The following NHEJ1 variants were observed in gnomAD, a reference collection of about 807,000 sequenced individuals.
NHEJ1 encodes non-homologous end joining factor 1.
A neutral mutation model predicts 39.4 loss-of-function variants in NHEJ1; 22 were observed. That is an observed-to-expected ratio of 0.56 (90% CI 0.40 to 0.80). The LOEUF (loss-of-function observed/expected upper bound fraction) is 0.80. Among genes scored for constraint, NHEJ1 ranks in the 30% least tolerant of loss-of-function variants. The probability of loss-of-function intolerance (pLI) is 0.00; values close to 1 mark genes in which losing one functional copy is unlikely to be tolerated. For missense variants in NHEJ1, 329 were observed against 357.1 expected, an observed-to-expected ratio of 0.92 and a Z score of 0.63; for synonymous variants, 154 against 135.6, an observed-to-expected ratio of 1.14 and a Z score of -0.94.
intron 5 of NHEJ1, among the ~76,000 whole-genome samples, chr2:219,123,176 ACAGT>A (rs1040198987): frequency 6.6e-6 from 1 of 152,218 alleles, no homozygotes; most frequent in African/African-American, 2.4e-5. Flanking sequence ...GGAAAGGTTG[ACAGT>A]CAGATCACAT....
intron 5 of NHEJ1, 71 bp downstream of exon 5, chr2:219,146,609 C>A (rs1168238817): frequency 1.6e-6 from 2 of 1,248,606 alleles, no homozygotes; most frequent in Non-Finnish European, 2.4e-6. Context: ...ACCCAAAACA[C>A]AAATGGCCAC....
intron 5 of NHEJ1, among the ~76,000 whole-genome samples, chr2:219,121,505 T>C (rs1949471046): frequency 6.6e-6 from 1 of 152,184 alleles, no homozygotes; most frequent in South Asian, 2.1e-4. Context: ...ATTTTTTCTA[T>C]GGGCATTAAG....
intron 5 of NHEJ1, among the ~76,000 whole-genome samples, chr2:219,120,986 CAGG>C (rs1949465817): frequency 1.3e-5 from 2 of 152,106 alleles, no homozygotes; most frequent in Admixed American, 1.3e-4. Flanking sequence ...CACTTGAGGT[CAGG>C]AGTTCAAGAC....
intron 3 of NHEJ1, among the ~76,000 whole-genome samples, chr2:219,157,060 G>T (rs549467494): frequency 6.6e-6 from 1 of 152,218 alleles, no homozygotes; most frequent in Admixed American, 6.5e-5. Flanking sequence ...ACTTAGCTCA[G>T]TAACAGTCTC....
chr2:219,159,563 G>A lies in NHEJ1; in HGVS notation c.-1+1157C>T, dbSNP rs1241763497. On this transcript the variant is annotated intron_variant, in intron 1 of 7. Coordinates refer to ENST00000356853, the MANE Select transcript of NHEJ1 (RefSeq NM_024782.3). ...CATATATATATATGCATATATATAT[G>A]CATATATATATGCATATATATATGC... Among the ~76,000 whole-genome samples the A allele has an allele frequency of 6.1e-4, 4 of 6,512 alleles. 1 individual carries two copies. The highest frequency in any genetic ancestry group is 2.7e-3 in the Non-Finnish European group (3 of 1,104). The allele number at this position is 6,512 out of a possible 152,430, so 4.3% of individuals were successfully genotyped here. A position where few individuals can be genotyped will look rare whatever the true frequency, so the allele number is the denominator to read the frequency against.
At chr2:219,133,772 A>C (rs1473656897) in intron 5 of NHEJ1, among the ~76,000 whole-genome samples, 1 of 152,238 alleles carries the variant, frequency 6.6e-6, no homozygotes, top group African/African-American at 2.4e-5. Flanking sequence ...TCCTGGGGGA[A>C]AGAAGCTGGA....
chr2:219,128,275 G>A (rs1050349974), intron 5 of NHEJ1, among the ~76,000 whole-genome samples: 2 of 152,188 alleles, frequency 1.3e-5, no homozygotes, highest in Admixed American at 1.3e-4. Flanking sequence ...TTATCTCAAT[G>A]AACAGCGTAT....
At chr2:219,146,537 T>C in intron 5 of NHEJ1, 143 bp downstream of exon 5, 1 of 768,898 alleles carries the variant, frequency 1.3e-6, no homozygotes, top group Non-Finnish European at 2.4e-6. Context: ...TCAAGCCTTA[T>C]CAGACTTTCT....
rs118204453 is a variant in NHEJ1, at chr2:219,146,736, G to T, written c.532C>A (p.Arg178=). 11 of 1,607,452 alleles carry T rather than the reference G, an allele frequency of 6.8e-6. No homozygotes were observed. The highest frequency in any genetic ancestry group is 9.4e-6 in the Non-Finnish European group (11 of 1,174,120). The stretch of plus-strand genomic sequence containing the variant: ...TCTTCAAATGGTTCTGTCTTCAATC[G>T]ATCTGTAATAAGAAGGATCAGAAAA... ...QESGATLIRD[R]LKTEPFEENS... The change falls in exon 5 of 8, where the codon CGA becomes AGA. Residue 178 remains arginine, a splice_region_variant and synonymous_variant. Coordinates refer to ENST00000356853, the MANE Select transcript of NHEJ1 (RefSeq NM_024782.3).
intron 5 of NHEJ1, among the ~76,000 whole-genome samples, chr2:219,123,533 G>C (rs1036396671): frequency 6.6e-6 from 1 of 152,112 alleles, no homozygotes; most frequent in Admixed American, 6.5e-5. Flanking sequence ...TGTACGCCTA[G>C]CCCTGGGTCT....
intron 5 of NHEJ1, among the ~76,000 whole-genome samples, chr2:219,091,861 G>A (rs1949163046): frequency 6.6e-6 from 1 of 151,792 alleles, no homozygotes; most frequent in Non-Finnish European, 1.5e-5. Context: ...TAAAATTAAT[G>A]AATAAATCTT....
chr2:219,137,576 AAAAAAAAAAAAAAAAAC>A (rs1253324755), intron 5 of NHEJ1, among the ~76,000 whole-genome samples: 2 of 140,250 alleles, frequency 1.4e-5, no homozygotes, highest in East Asian at 2.0e-4. Flanking sequence ...CAGGCAAAAA[AAAAAAAAAAAAAAAAAC>A]AAAAAAAACT....
Position 219,076,369 on chromosome 2 carries a change from G to A in NHEJ1, c.*12C>T, listed in dbSNP as rs373719267. ...CTCCAAGTCCATCCTCAGCAGCTGAGGCCACAACAGATTAACTGAAGAGAC... is the reference window on the plus strand; with the variant it reads ...CTCCAAGTCCATCCTCAGCAGCTGAAGCCACAACAGATTAACTGAAGAGAC... On this transcript the variant is annotated 3_prime_UTR_variant, in exon 8 of 8. Coordinates refer to ENST00000356853, the MANE Select transcript of NHEJ1 (RefSeq NM_024782.3). 15 of 1,613,990 alleles carry A rather than the reference G, an allele frequency of 9.3e-6. No homozygotes were observed. In the African/African-American group the frequency reaches 9.3e-5, roughly 10 times the overall value.
chr2:219,141,663 C>G (rs1341443889), intron 5 of NHEJ1, among the ~76,000 whole-genome samples: 3 of 151,946 alleles, frequency 2.0e-5, no homozygotes, highest in South Asian at 2.1e-4. Flanking sequence ...TGTGGGACAT[C>G]CAGGTGGAAA....
chr2:219,088,228 C>T (rs1362388490), intron 5 of NHEJ1, among the ~76,000 whole-genome samples: 2 of 152,150 alleles, frequency 1.3e-5, no homozygotes, highest in African/African-American at 4.8e-5. Flanking sequence ...CTATGTATTT[C>T]CCCAACACAA....
At chr2:219,140,377 A>T (rs1361038897) in intron 5 of NHEJ1, among the ~76,000 whole-genome samples, 1 of 152,242 alleles carries the variant, frequency 6.6e-6, no homozygotes, top group Admixed American at 6.5e-5. Context: ...GCAACTTAAT[A>T]AGATAGCTTT....
chr2:219,097,187 A>G (rs1304412354), intron 5 of NHEJ1, among the ~76,000 whole-genome samples: 2 of 152,214 alleles, frequency 1.3e-5, no homozygotes, highest in African/African-American at 4.8e-5. Flanking sequence ...AAGTGTATTC[A>G]ATACATTTTC....
chr2:219,117,014 C>T (rs1004708082), intron 5 of NHEJ1, among the ~76,000 whole-genome samples: 2 of 152,084 alleles, frequency 1.3e-5, no homozygotes, highest in African/African-American at 2.4e-5. Context: ...GAGGAGAGGC[C>T]TCTCTTCCCA....
intron 5 of NHEJ1, among the ~76,000 whole-genome samples, chr2:219,125,985 G>T (rs1246840614): frequency 6.6e-6 from 1 of 152,224 alleles, no homozygotes; most frequent in African/African-American, 2.4e-5. Flanking sequence ...TTTGGCAGCT[G>T]AAAATGTCAC....
Sources: allele counts gnomAD v4.1 joint callset (sites outside exome capture counted in the v4.1 genomes callset), GRCh38; gene constraint gnomAD v4.1.1; transcripts MANE v1.5; gene names NCBI Gene and HGNC (gene_info 2026-07-23, HGNC 2026-07-21).